ACBD6: variants seen among roughly 807,000 people sequenced by gnomAD.
ACBD6 encodes acyl-CoA binding domain containing 6, also known as acyl-CoA-binding domain-containing protein 6.
A neutral mutation model predicts 37.2 loss-of-function variants in ACBD6; 28 were observed. That is an observed-to-expected ratio of 0.75 (90% CI 0.56 to 1.03). The LOEUF is 1.03. ACBD6 is among the 50% of genes least tolerant of loss of function. The probability of loss-of-function intolerance (pLI) is 0.00; values close to 1 mark genes in which losing one functional copy is unlikely to be tolerated. For missense variants in ACBD6, 340 were observed against 337.4 expected (o/e 1.01, Z -0.06); for synonymous variants, 113 against 126.8 (o/e 0.89, Z 0.73).
intron 6 of ACBD6, among the ~76,000 whole-genome samples, chr1:180,374,840 T>C (rs935513566): frequency 6.6e-6 from 1 of 152,018 alleles, no homozygotes; most frequent in Non-Finnish European, 1.5e-5. Flanking sequence ...CTCAAACATA[T>C]GAAAAACTTA....
chr1:180,451,420 G>GA (rs1463321159), intron 3 of ACBD6, among the ~76,000 whole-genome samples: 3 of 152,094 alleles, frequency 2.0e-5, no homozygotes, highest in Non-Finnish European at 4.4e-5. Context: ...ACAAAAACTT[G>GA]CACACAAATG....
At chr1:180,305,635 C>A (rs1650324215) in intron 7 of ACBD6, among the ~76,000 whole-genome samples, 1 of 152,138 alleles carries the variant, frequency 6.6e-6, no homozygotes, top group African/African-American at 2.4e-5. Flanking sequence ...GAAATAGAAA[C>A]ACTTTTACAC....
At chr1:180,386,087 T>C (rs987249372) in intron 6 of ACBD6, among the ~76,000 whole-genome samples, 2 of 152,108 alleles carry the variant, frequency 1.3e-5, no homozygotes, top group African/African-American at 4.8e-5. Context: ...GGAGAATAGC[T>C]TGAACCCAAG....
At chr1:180,295,018 C>T (rs1571326661) in intron 7 of ACBD6, among the ~76,000 whole-genome samples, 1 of 152,010 alleles carries the variant, frequency 6.6e-6, no homozygotes, top group East Asian at 1.9e-4. Context: ...TCTTTTTTTT[C>T]TTCCTTGGTC....
At chr1:180,283,009 T>TGACAAACG (rs1649360423) in intron 8 of ACBD6, among the ~76,000 whole-genome samples, 1 of 116,348 alleles carries the variant, frequency 8.6e-6, no homozygotes, top group Non-Finnish European at 1.7e-5. Flanking sequence ...GGTTCCAAAC[T>TGACAAACG]CACAAACGGA....
intron 6 of ACBD6, among the ~76,000 whole-genome samples, chr1:180,316,279 A>T (rs905619389): frequency 6.6e-6 from 1 of 151,946 alleles, no homozygotes; most frequent in Non-Finnish European, 1.5e-5. Flanking sequence ...ACTCATATCT[A>T]TATTTGTCAG....
chr1:180,372,997 G>A (rs568235563), intron 6 of ACBD6, among the ~76,000 whole-genome samples: 91 of 152,220 alleles, frequency 6.0e-4, no homozygotes, highest in Middle Eastern at 3.4e-3. Context: ...ATTTCAATCC[G>A]ATAGACTGCT....
At chr1:180,440,501 T>C (rs917794115) in intron 3 of ACBD6, among the ~76,000 whole-genome samples, 13 of 152,222 alleles carry the variant, frequency 8.5e-5, no homozygotes, top group African/African-American at 3.1e-4. Context: ...TGAATGACAT[T>C]TAATACATTC....
intron 7 of ACBD6, among the ~76,000 whole-genome samples, chr1:180,311,471 T>A (rs1424269786): frequency 6.6e-6 from 1 of 152,194 alleles, no homozygotes; most frequent in East Asian, 1.9e-4. Context: ...AGGGTCTTAC[T>A]CTGTCAACCA....
At chr1:180,388,351 A>C in intron 6 of ACBD6, among the ~76,000 whole-genome samples, 1 of 152,154 alleles carries the variant, frequency 6.6e-6, no homozygotes, top group East Asian at 1.9e-4. Context: ...AACAGGCAGA[A>C]ATAAGTCTTA....
intron 3 of ACBD6, among the ~76,000 whole-genome samples, chr1:180,485,821 T>G (rs936068955): frequency 6.6e-6 from 1 of 152,100 alleles, no homozygotes; most frequent in Non-Finnish European, 1.5e-5. Flanking sequence ...GAAGCCATCT[T>G]TAAAAAGCTC....
chr1:180,345,536 TA>T (rs11289680), intron 6 of ACBD6, among the ~76,000 whole-genome samples: 145,241 of 152,120 alleles, frequency 0.95, 69,406 homozygotes, highest in African/African-American at 0.99. Context: ...TTCAAATATT[TA>T]AAAAAACCTT....
intron 6 of ACBD6, among the ~76,000 whole-genome samples, chr1:180,361,248 T>C (rs1453858196): frequency 1.3e-5 from 2 of 150,146 alleles, no homozygotes; most frequent in East Asian, 3.9e-4. Flanking sequence ...GTGGGGATAG[T>C]TTTTGTTACA....
intron 1 of ACBD6, among the ~76,000 whole-genome samples, chr1:180,499,847 C>T (rs79424814): frequency 0.012 from 1,816 of 152,220 alleles, 14 homozygotes; most frequent in Non-Finnish European, 0.02. Context: ...ATAATTTATA[C>T]CATTTGTTCC....
intron 8 of ACBD6, among the ~76,000 whole-genome samples, chr1:180,281,681 TG>T (rs1478811376): frequency 1.2e-4 from 18 of 152,308 alleles, no homozygotes; most frequent in African/African-American, 4.3e-4. Flanking sequence ...AAGCTCTGTA[TG>T]GATGATTATT....
At chr1:180,372,789 A>G (rs530595052) in intron 6 of ACBD6, among the ~76,000 whole-genome samples, 6 of 152,310 alleles carry the variant, frequency 3.9e-5, no homozygotes, top group Admixed American at 3.9e-4. Context: ...TCATGGGTAC[A>G]GACTGAACAT....
chr1:180,281,152 C>T (rs1218454518), intron 9 of ACBD6, among the ~76,000 whole-genome samples: 1 of 152,100 alleles, frequency 6.6e-6, no homozygotes, highest in East Asian at 1.9e-4. Context: ...AAGATCTGGT[C>T]CCCGCAACAA....
At chr1:180,278,685 G>T (rs1649191390) in intron 9 of ACBD6, 1 of 151,568 alleles carries the variant, frequency 6.6e-6, no homozygotes, top group Non-Finnish European at 1.5e-5. Flanking sequence ...GTTCAGGGCT[G>T]CGGGATTCCA....
Position 180,381,006 on chromosome 1 carries a change from A to T in ACBD6, c.663+16510T>A, listed in dbSNP as rs559574000. ...CACCTGTAAAGACACATACAGCCTG[A>T]ATATGAGAGGATGAAAAAGATATTC... On this transcript the variant is annotated intron_variant, in intron 6 of 7. Coordinates refer to ENST00000367595, the MANE Select transcript of ACBD6 (RefSeq NM_032360.4). 5.9e-5 allele frequency among the ~76,000 whole-genome samples: 9 copies of T among 152,268 alleles called. No individual in the cohort carries two copies. In the East Asian group the frequency reaches 1.7e-3, roughly 29 times the overall value.
Sources: gnomAD v4.1 joint callset for allele counts (sites outside exome capture counted in the v4.1 genomes callset) on GRCh38, gnomAD v4.1.1 for gene constraint, MANE v1.5 for transcripts, NCBI Gene and HGNC (gene_info 2026-07-23, HGNC 2026-07-21) for gene names.